The following IL6R variants were observed in gnomAD, a reference collection of about 807,000 sequenced individuals.
The protein encoded by IL6R is interleukin 6 receptor.
IL6R carries 38 observed loss-of-function variants against 48.3 expected under a neutral mutation model. That is an observed-to-expected ratio of 0.79 (90% CI 0.61 to 1.03). The LOEUF is 1.03. Among genes scored for constraint, IL6R ranks in the 50% least tolerant of loss-of-function variants. IL6R has a pLI of 0.00. For synonymous variants in IL6R, 264 were observed against 256.2 expected (o/e 1.03, Z -0.29); for missense variants, 534 against 618.3 (o/e 0.86, Z 1.45).
chr1:154,455,825 G>A (rs1690847569), intron 9 of IL6R, among the ~76,000 whole-genome samples: 1 of 151,766 alleles, frequency 6.6e-6, no homozygotes, highest in South Asian at 2.1e-4. Context: ...GGGAGGCTGA[G>A]GCAGGTGGAT....
chr1:154,406,186 C>T lies in IL6R; in HGVS notation c.85+472C>T, dbSNP rs190129913. Among the ~76,000 whole-genome samples the T allele has an allele frequency of 2.0e-5, 3 of 152,202 alleles. No homozygotes were observed. The East Asian group carries it at 5.8e-4, about 29-fold the overall frequency. On this transcript the variant is annotated intron_variant, in intron 1 of 9. Coordinates refer to ENST00000368485, the MANE Select transcript of IL6R (RefSeq NM_000565.4). ...GGGTCCACCTCGCCTGGTCCTCCCCCCACCCCCGCGGGTGCATGTGTGGAT... is the reference window on the plus strand; with the variant it reads ...GGGTCCACCTCGCCTGGTCCTCCCCTCACCCCCGCGGGTGCATGTGTGGAT...
Position 154,434,540 on chromosome 1 carries a change from C to A in IL6R, c.480C>A (p.Asp160Glu). ...VRKFQNSPAE[D>E]FQEPCQYSQE... ...ACAGTCAGAACAGTCCGGCCGAAGACTTCCAGGAGCCGTGCCAGTATTCCC... is the reference window on the plus strand; with the variant it reads ...ACAGTCAGAACAGTCCGGCCGAAGAATTCCAGGAGCCGTGCCAGTATTCCC... The change falls in exon 4 of 10, where the codon GAC (aspartate) becomes GAA (glutamate). Residue 160 changes from aspartate (D) to glutamate (E), a missense_variant. Asp to Glu is a conservative substitution (Grantham distance 45). Transcript: ENST00000368485. 6.2e-7 allele frequency: 1 copy of A among 1,613,870 alleles called. No homozygotes were observed.
Position 154,409,633 on chromosome 1 carries a change from TC to T in IL6R, c.85+3920del, listed in dbSNP as rs1452633409. On this transcript the variant is annotated intron_variant, in intron 1 of 9. Coordinates refer to ENST00000368485, the MANE Select transcript of IL6R (RefSeq NM_000565.4). ...CAAGTGCTTAAATAAGTGTAGGTGA[TC>T]ATTCATTCACTCCAAAAATATATTT... Among the ~76,000 whole-genome samples, 6 of 152,140 alleles carry T rather than the reference TC, an allele frequency of 3.9e-5. No individual in the cohort carries two copies. The East Asian group carries it at 9.6e-4, about 24-fold the overall frequency.
At chr1:154,414,170 T>C (rs948032432) in intron 1 of IL6R, among the ~76,000 whole-genome samples, 13 of 152,178 alleles carry the variant, frequency 8.5e-5, no homozygotes, top group Non-Finnish European at 1.5e-4. Flanking sequence ...AATTTTTTTT[T>C]CCAACTAGTT....
chr1:154,437,315 T>C (rs1300597926), intron 6 of IL6R: 4 of 226,304 alleles, frequency 1.8e-5, no homozygotes, highest in Non-Finnish European at 3.8e-5. Context: ...GCCAGGATGG[T>C]CTCAATCTCC....
At chr1:154,433,253 G>T (rs1338925614) in intron 3 of IL6R, among the ~76,000 whole-genome samples, 3 of 152,216 alleles carry the variant, frequency 2.0e-5, no homozygotes, top group Non-Finnish European at 2.9e-5. Context: ...GTCAGAGGTG[G>T]CAGACTCGTC....
At chr1:154,458,317 G>A (rs1446429252) in intron 9 of IL6R, among the ~76,000 whole-genome samples, 3 of 152,094 alleles carry the variant, frequency 2.0e-5, no homozygotes, top group Non-Finnish European at 4.4e-5. Flanking sequence ...TCTGAAGGGT[G>A]CGTGCAAGAT....
At chr1:154,447,239 G>A (rs1690277144) in intron 6 of IL6R, among the ~76,000 whole-genome samples, 1 of 151,524 alleles carries the variant, frequency 6.6e-6, no homozygotes, top group Admixed American at 6.6e-5. Flanking sequence ...AGGAGTTCAA[G>A]ACCAGCCTGG....
chr1:154,453,129 C>T (rs907027447), intron 8 of IL6R, among the ~76,000 whole-genome samples: 4 of 152,054 alleles, frequency 2.6e-5, no homozygotes, highest in Non-Finnish European at 2.9e-5. Context: ...TGCTTGAACC[C>T]GGGAGGCGGA....
rs567649585 is a variant in IL6R, at chr1:154,418,886, C to A, written c.86-10310C>A. Among the ~76,000 whole-genome samples, 222 of 152,232 alleles carry A rather than the reference C, an allele frequency of 1.5e-3. 1 individual carries two copies. The highest frequency in any genetic ancestry group is 5.1e-3 in the African/African-American group (212 of 41,522). ...GGCAGCTGCAGTGATGGCGCTGACC[C>A]CCCCTTGTGCACACCCCTCAAGCCT... On this transcript the variant is annotated intron_variant, in intron 1 of 9. Coordinates refer to ENST00000368485, the MANE Select transcript of IL6R (RefSeq NM_000565.4).
intron 8 of IL6R, among the ~76,000 whole-genome samples, chr1:154,451,941 G>A (rs1026391759): frequency 3.3e-5 from 5 of 152,150 alleles, no homozygotes; most frequent in Admixed American, 1.3e-4. Flanking sequence ...AACTGGTACC[G>A]CATTTGCTCA....
intron 9 of IL6R, among the ~76,000 whole-genome samples, chr1:154,457,049 A>T (rs946010372): frequency 2.0e-5 from 3 of 152,026 alleles, no homozygotes; most frequent in African/African-American, 7.3e-5. Flanking sequence ...AGGTATTTTC[A>T]TGGTAGCTAA....
chr1:154,411,805 C>G (rs1688034578), intron 1 of IL6R, among the ~76,000 whole-genome samples: 1 of 152,134 alleles, frequency 6.6e-6, no homozygotes, highest in Non-Finnish European at 1.5e-5. Flanking sequence ...GAGTTCGAGG[C>G]TGCAGTGAAC....
Position 154,454,599 on chromosome 1 carries a change from G to T in IL6R, c.1160+18G>T, listed in dbSNP as rs1265308074. The stretch of plus-strand genomic sequence containing the variant: ...GTTCTGAGGTGAGATGGGTCCCAGG[G>T]GATGGCCCTGTGGTGTTCTCATATT... On this transcript the variant is annotated intron_variant, in intron 9 of 9. Transcript: ENST00000368485. The T allele has an allele frequency of 6.5e-7, 1 of 1,543,732 alleles. No homozygotes were observed. The highest frequency in any genetic ancestry group is 1.4e-5 in the African/African-American group (1 of 73,380).
Position 154,467,963 on chromosome 1 carries a change from T to A in IL6R, c.*2583T>A, listed in dbSNP as rs1691633698. On this transcript the variant is annotated 3_prime_UTR_variant, in exon 10 of 10. Coordinates refer to ENST00000368485, the MANE Select transcript of IL6R (RefSeq NM_000565.4). ...TTACCAAAGCCGGGCAGAACCATGC[T>A]AGCGGAAGATGTGAAATCCAGATAG... is the stretch of plus-strand genomic sequence containing the variant. The A allele has an allele frequency of 1.3e-5, 2 of 152,242 alleles. No individual in the cohort carries two copies. The highest frequency in any genetic ancestry group is 1.3e-4 in the Admixed American group (2 of 15,274). The allele number at this position is 152,242 out of a possible 1,614,324, so 9.4% of individuals were successfully genotyped here. A position where few individuals can be genotyped will look rare whatever the true frequency, so the allele number is the denominator to read the frequency against.
chr1:154,408,915 C>G (rs532203091), intron 1 of IL6R, among the ~76,000 whole-genome samples: 1 of 152,186 alleles, frequency 6.6e-6, no homozygotes, highest in South Asian at 2.1e-4. Flanking sequence ...GAGGCTGAGG[C>G]AGGAGGATCT....
At chr1:154,449,859 A>T in intron 7 of IL6R, 52 bp from the exon 8 acceptor site, 1 of 1,198,368 alleles carries the variant, frequency 8.3e-7, no homozygotes, top group Non-Finnish European at 1.2e-6. Flanking sequence ...CTGGTTCTGA[A>T]TGATGGTGCA....
intron 9 of IL6R, among the ~76,000 whole-genome samples, chr1:154,462,101 T>C (rs762214021): frequency 9.9e-5 from 15 of 152,180 alleles, no homozygotes; most frequent in Non-Finnish European, 2.1e-4. Context: ...GCAGCCTGAT[T>C]ACTGCTTCAT....
intron 6 of IL6R, among the ~76,000 whole-genome samples, chr1:154,445,547 A>G (rs910271825): frequency 1.8e-4 from 27 of 152,212 alleles, no homozygotes; most frequent in Admixed American, 1.2e-3. Flanking sequence ...TCAGGAGATC[A>G]AGACCATCCT....
Sources: gnomAD v4.1 joint callset for allele counts (sites outside exome capture counted in the v4.1 genomes callset) on GRCh38, gnomAD v4.1.1 for gene constraint, MANE v1.5 for transcripts, NCBI Gene and HGNC (gene_info 2026-07-23, HGNC 2026-07-21) for gene names.